The following F5 variants were observed in gnomAD, a reference collection of about 807,000 sequenced individuals.
The protein encoded by F5 is activated protein c cofactor.
In F5, 138 loss-of-function variants were observed where a neutral mutation model predicts 216.4. That is an observed-to-expected ratio of 0.64 (90% CI 0.56 to 0.73). The LOEUF (loss-of-function observed/expected upper bound fraction) is 0.73. Among genes scored for constraint, F5 ranks in the 30% least tolerant of loss-of-function variants. The pLI is 0.00. For missense variants in F5, 2,403 were observed against 2,674.0 expected, an observed-to-expected ratio of 0.90 and a Z score of 2.24; for synonymous variants, 916 against 930.7, an observed-to-expected ratio of 0.98 and a Z score of 0.29.
At chr1:169,546,677 C>A (rs935562161) in intron 10 of F5, 85 bp from the exon 11 acceptor site, 6 of 1,198,688 alleles carry the variant, frequency 5.0e-6, no homozygotes, top group Non-Finnish European at 6.2e-6. Context: ...AATAAGGCTG[C>A]GCACCTACAA....
chr1:169,569,773 C>G (rs1571597079), intron 3 of F5, among the ~76,000 whole-genome samples: 1 of 152,024 alleles, frequency 6.6e-6, no homozygotes, highest in African/African-American at 2.4e-5. Context: ...TGTGGTTTCT[C>G]AAGCCAGTGT....
rs1476237734 is a variant in F5 at position 169,582,537 on chromosome 1, C to T, written c.159-15G>A. The T allele has an allele frequency of 1.4e-6, 2 of 1,418,838 alleles. No homozygotes were observed. Among genetic ancestry groups the T allele is most frequent in the Non-Finnish European group, 2.0e-6 (2 of 1,009,056 alleles). The allele number at this position is 1,418,838 out of a possible 1,614,324, so 87.9% of individuals were successfully genotyped here. On this transcript the variant is annotated splice_polypyrimidine_tract_variant and intron_variant, in intron 1 of 24. Coordinates refer to ENST00000367797, the MANE Select transcript of F5 (RefSeq NM_000130.5). ...AAAGATTCAAACTGGAAATAAAATA[C>T]AAAAACTAATTTGAAAGGCATATTC...
At chr1:169,534,870 G>A (rs186949118) in intron 14 of F5, among the ~76,000 whole-genome samples, 57 of 152,176 alleles carry the variant, frequency 3.7e-4, no homozygotes, top group Admixed American at 7.2e-4. Flanking sequence ...CTGAAATCAC[G>A]TCCTTTGCAA....
In F5 at chr1:169,542,015, A is replaced by G. The variant is rs1216335267; in HGVS notation, c.3075T>C (p.Phe1025=). The G allele has an allele frequency of 6.2e-7, 1 of 1,613,960 alleles. No homozygotes were observed. Among genetic ancestry groups the G allele is most frequent in the Admixed American group, 1.7e-5 (1 of 59,994 alleles). Reference sequence around the variant, plus strand: ...TTTTCTTTTTTCGTGTCTTAATGAGAAACTGGCTTTTCTTCAGTCTACTCT... The same window carrying G: ...TTTTCTTTTTTCGTGTCTTAATGAGGAACTGGCTTTTCTTCAGTCTACTCT... ...GGKSRLKKSQ[F]LIKTRKKKKE... The change falls in exon 13 of 25, where the codon TTT becomes TTC. Residue 1025 remains phenylalanine, a synonymous_variant. Coordinates refer to ENST00000367797, the MANE Select transcript of F5 (RefSeq NM_000130.5).
At position 169,530,850 on chromosome 1, in the gene F5, C is replaced by A; in HGVS notation, c.5144G>T (p.Arg1715Leu). ...AGAGCCAGGACTTTCTGGCCCTGAT[C>A]GCTCAGTGGCATGCCATACGTAGGT... ...SYTYVWHATE[R>L]SGPESPGSAC... Residue 1715 changes from arginine (R) to leucine (L), a missense_variant, in exon 15 of 25, where the codon CGA (arginine) becomes CTA (leucine). Transcript: ENST00000367797. The A allele has an allele frequency of 6.2e-7, 1 of 1,613,936 alleles. No homozygotes were observed. Among genetic ancestry groups the A allele is most frequent in the Non-Finnish European group, 8.5e-7 (1 of 1,179,852 alleles).
At chr1:169,559,079 G>T in intron 5 of F5, 74 bp downstream of exon 5, 1 of 1,538,160 alleles carries the variant, frequency 6.5e-7, no homozygotes, top group Non-Finnish European at 9.0e-7. Context: ...CTTCTCTAGT[G>T]CTTTGAAGAA....
Position 169,542,240 on chromosome 1 carries a change from A to G in F5, c.2850T>C (p.Ala950=), listed in dbSNP as rs1029836153. The part of the protein sequence containing the change: ...SKILVGRWHL[A]SEKGSYEIIQ... ...TTATTTCATAGCTACCTTTCTCAGA[A>G]GCCAAATGCCATCTCCCAACCAAAA... Residue 950 remains alanine, a synonymous_variant, in exon 13 of 25, where the codon GCT becomes GCC. Transcript: ENST00000367797. The G allele has an allele frequency of 1.2e-6, 2 of 1,614,014 alleles. No individual in the cohort carries two copies. Among genetic ancestry groups the G allele is most frequent in the Non-Finnish European group, 1.7e-6 (2 of 1,180,010 alleles).
At chr1:169,567,794 C>T (rs1660641701) in intron 3 of F5, among the ~76,000 whole-genome samples, 1 of 152,076 alleles carries the variant, frequency 6.6e-6, no homozygotes, top group South Asian at 2.1e-4. Context: ...CCCTGAGGGG[C>T]TCTGCCTAGT....
chr1:169,566,743 CT>C (rs1038004292), intron 3 of F5, among the ~76,000 whole-genome samples: 3 of 151,748 alleles, frequency 2.0e-5, no homozygotes, highest in African/African-American at 7.3e-5. Context: ...TAACTTTATC[CT>C]TTTTGATGGG....
At chr1:169,517,924 T>A (rs1353644000) in intron 23 of F5, among the ~76,000 whole-genome samples, 1 of 152,206 alleles carries the variant, frequency 6.6e-6, no homozygotes, top group Non-Finnish European at 1.5e-5. Flanking sequence ...ATCATTTTTT[T>A]ATCACTAATG....
In F5 at chr1:169,560,839, G is replaced by T. The variant is rs7523043; in HGVS notation, c.374-73C>A. The T allele has an allele frequency of 0.064, 86,966 of 1,362,120 alleles. 6,025 individuals carry two copies. Among genetic ancestry groups the T allele is most frequent in the African/African-American group, 0.34 (23,749 of 68,860 alleles). 84.4% of individuals were successfully genotyped at this position (1,362,120 alleles called of 1,614,324 possible). ...GCGTTTTCACCACTCTCAAATCTGG[G>T]GATAGCTAAGATGAGTTCTCTGGAG... On this transcript the variant is annotated intron_variant, in intron 3 of 24. Transcript: ENST00000367797.
Position 169,586,128 on chromosome 1 carries a change from T to TAAA in F5, c.158+100_158+101insTTT, listed in dbSNP as rs1282595182. ...ATTAGTTATATTTACTTACCTGAAG[T>TAAA]TAAAAAAAAAAAAAGCCATGACATT... On this transcript the variant is annotated intron_variant, in intron 1 of 24. Transcript: ENST00000367797. 905 of 1,336,854 alleles carry TAAA rather than the reference T, an allele frequency of 6.8e-4. 5 individuals are homozygous for TAAA. In the African/African-American group the frequency reaches 0.013, roughly 19 times the overall value. 82.8% of individuals were successfully genotyped at this position (1,336,854 alleles called of 1,614,324 possible). A position where few individuals can be genotyped will look rare whatever the true frequency, so the allele number is the denominator to read the frequency against.
chr1:169,522,651 A>G (rs1571560330), intron 21 of F5, among the ~76,000 whole-genome samples: 1 of 152,248 alleles, frequency 6.6e-6, no homozygotes, highest in South Asian at 2.1e-4. Flanking sequence ...TGGGGAAGGG[A>G]ATAGAGAGGA....
chr1:169,553,720 T>C (rs923174882), intron 7 of F5, among the ~76,000 whole-genome samples: 1 of 152,042 alleles, frequency 6.6e-6, no homozygotes, highest in Non-Finnish European at 1.5e-5. Context: ...AGACTCCGTC[T>C]CAAAAAAAGA....
chr1:169,552,242 G>T (rs1418052862), intron 8 of F5, among the ~76,000 whole-genome samples: 2 of 152,058 alleles, frequency 1.3e-5, no homozygotes, highest in Non-Finnish European at 2.9e-5. Context: ...ATAAAGCTTA[G>T]GACAAAATTT....
At position 169,518,499 on chromosome 1, in the gene F5, C is replaced by T. The variant is rs200435082; in HGVS notation, c.6258G>A (p.Ser2086=). The change falls in exon 23 of 25, where the codon TCG becomes TCA. Residue 2086 remains serine, a synonymous_variant. Coordinates refer to ENST00000367797, the MANE Select transcript of F5 (RefSeq NM_000130.5). ...AATCTCCCCACCAAGATTTCTTAAA[C>T]GAAGAAGCTGTGATTTGCTTGTTTT... is the stretch of plus-strand genomic sequence containing the variant. ...KIENKQITAS[S]FKKSWWGDYW... 6.3e-5 allele frequency: 101 copies of T among 1,613,732 alleles called. 1 individual carries two copies. Among genetic ancestry groups the T allele is most frequent in the Non-Finnish European group, 7.8e-5 (92 of 1,179,882 alleles).
At chr1:169,583,558 T>A (rs1387274799) in intron 1 of F5, among the ~76,000 whole-genome samples, 1 of 152,246 alleles carries the variant, frequency 6.6e-6, no homozygotes, top group African/African-American at 2.4e-5. Flanking sequence ...ATGAGATTAA[T>A]ACTGAAATCT....
Position 169,514,323 on chromosome 1 carries a change from T to C in F5, c.6665A>G (p.Asp2222Gly), listed in dbSNP as rs6027. 0.059 allele frequency: 95,833 copies of C among 1,612,978 alleles called. 3,361 individuals carry two copies. The highest frequency in any genetic ancestry group is 0.096 in the Admixed American group (5,723 of 59,872). The change falls in exon 25 of 25, where the codon GAT becomes GGT. Residue 2222 changes from aspartate to glycine, a missense_variant. This residue lies in a region of F5 where 659 missense variants were observed against 787.9 expected (regional missense o/e 0.84). Coordinates refer to ENST00000367797, the MANE Select transcript of F5 (RefSeq NM_000130.5). ...IALRLELFGC[D>G]IY Reference sequence around the variant, plus strand: ...TTTGAATGTTCAATTCTAGTAAATATCACAGCCAAAGAGTTCCAGGCGAAG... The same window carrying C: ...TTTGAATGTTCAATTCTAGTAAATACCACAGCCAAAGAGTTCCAGGCGAAG...
intron 1 of F5, among the ~76,000 whole-genome samples, chr1:169,584,301 T>C (rs1172833124): frequency 6.6e-6 from 1 of 152,212 alleles, no homozygotes; most frequent in Non-Finnish European, 1.5e-5. Context: ...AAGTTACAGA[T>C]CATATGAATT....
Sources: gnomAD v4.1 joint callset for allele counts (sites outside exome capture counted in the v4.1 genomes callset) on GRCh38, gnomAD v4.1.1 for gene constraint, gnomAD v4.1.1 regional missense constraint, MANE v1.5 for transcripts, NCBI Gene and HGNC (gene_info 2026-07-23, HGNC 2026-07-21) for gene names.